Variants in PRIM2 observed in about 807,000 individuals in gnomAD.
PRIM2 encodes the protein DNA primase large subunit.
PRIM2 carries 39 observed loss-of-function variants against 67.3 expected under a neutral mutation model. The ratio of observed to expected loss-of-function variants is 0.58; its 90% CI spans 0.45 to 0.76. The LOEUF (loss-of-function observed/expected upper bound fraction) is 0.76. Ranked by LOEUF, PRIM2 falls within the 30% of genes least tolerant of loss-of-function variation. The probability of loss-of-function intolerance (pLI) is 0.00; values close to 1 mark genes in which losing one functional copy is unlikely to be tolerated. For missense variants in PRIM2, 398 were observed against 598.7 expected (o/e 0.66, Z 3.50); for synonymous variants, 143 against 198.7 (o/e 0.72, Z 2.36).
intron 7 of PRIM2, among the ~76,000 whole-genome samples, chr6:57,446,418 C>CTTCTTTTTTTTTTTTTTTT (rs1772366659): frequency 4.8e-5 from 4 of 83,814 alleles, no homozygotes; most frequent in Non-Finnish European, 6.8e-5. Context: ...CACGCCACTT[C>CTTCTTTTTTTTTTTTTTTT]TTTTTTTTTT....
chr6:57,574,884 T>G lies in PRIM2; in HGVS notation c.1021-26209T>G, dbSNP rs1775934113. Reference sequence around the variant, plus strand: ...ATAGATCAAAAATAGTACAATGTCATGGCAGTTTCATGTAGTCCCATCTAA... The same window carrying G: ...ATAGATCAAAAATAGTACAATGTCAGGGCAGTTTCATGTAGTCCCATCTAA... On this transcript the variant is annotated intron_variant, in intron 10 of 13. Coordinates refer to ENST00000615550, the MANE Select transcript of PRIM2 (RefSeq NM_000947.5). 2.0e-5 allele frequency among the ~76,000 whole-genome samples: 3 copies of G among 152,112 alleles called. No individual in the cohort carries two copies. The South Asian group carries it at 6.3e-4, about 32-fold the overall frequency.
chr6:57,565,834 G>C (rs1414065865), intron 10 of PRIM2, among the ~76,000 whole-genome samples: 3 of 152,166 alleles, frequency 2.0e-5, no homozygotes, highest in African/African-American at 7.2e-5. Context: ...TAATTTTAGT[G>C]TTACTGTCTT....
chr6:57,482,221 G>A (rs1342901617), intron 7 of PRIM2, among the ~76,000 whole-genome samples: 5 of 150,736 alleles, frequency 3.3e-5, no homozygotes, highest in African/African-American at 9.8e-5. Flanking sequence ...TGGTCATTTT[G>A]AGTGCAGATA....
chr6:57,547,397 C>T (rs1375992090), intron 10 of PRIM2, among the ~76,000 whole-genome samples: 6 of 152,182 alleles, frequency 3.9e-5, no homozygotes, highest in Admixed American at 3.9e-4. Context: ...CCTTCCACTT[C>T]TAGTAGTCCT....
intron 7 of PRIM2, among the ~76,000 whole-genome samples, chr6:57,506,570 C>G (rs1774255461): frequency 6.6e-6 from 1 of 151,974 alleles, no homozygotes; most frequent in Non-Finnish European, 1.5e-5. Context: ...ATCTTGAAGA[C>G]ATTTATCTTT....
chr6:57,602,985 C>T (rs1776497555), intron 11 of PRIM2, among the ~76,000 whole-genome samples: 1 of 152,160 alleles, frequency 6.6e-6, no homozygotes, highest in East Asian at 1.9e-4. Flanking sequence ...ACATGTGTTA[C>T]AATTGATGAA....
intron 5 of PRIM2, among the ~76,000 whole-genome samples, chr6:57,369,811 G>GC (rs1769483725): frequency 6.6e-6 from 1 of 152,132 alleles, no homozygotes; most frequent in Non-Finnish European, 1.5e-5. Context: ...TTAATGAAAT[G>GC]ACAAGTTTAT....
intron 7 of PRIM2, among the ~76,000 whole-genome samples, chr6:57,506,676 G>A (rs1455718371): frequency 6.6e-6 from 1 of 151,736 alleles, no homozygotes; most frequent in Non-Finnish European, 1.5e-5. Flanking sequence ...CTTATAAAAA[G>A]GTATTCTCTT....
chr6:57,534,674 A>G (rs1470380882), intron 9 of PRIM2, among the ~76,000 whole-genome samples: 1 of 152,158 alleles, frequency 6.6e-6, no homozygotes, highest in African/African-American at 2.4e-5. Flanking sequence ...TCATATGTAG[A>G]CTTAAATCCA....
intron 7 of PRIM2, among the ~76,000 whole-genome samples, chr6:57,402,252 A>T (rs912331476): frequency 1.3e-5 from 2 of 152,148 alleles, no homozygotes; most frequent in Non-Finnish European, 2.9e-5. Flanking sequence ...TTCCTCTGGG[A>T]GCTCTGTGCC....
rs1297363063 is a variant in PRIM2 at position 57,646,198 on chromosome 6, G to A, written c.*40G>A. The A allele has an allele frequency of 9.8e-6, 13 of 1,327,346 alleles. No homozygotes were observed. The highest frequency in any genetic ancestry group is 1.5e-5 in the African/African-American group (1 of 67,766). The allele number at this position is 1,327,346 out of a possible 1,614,324, so 82.2% of individuals were successfully genotyped here. A position where few individuals can be genotyped will look rare whatever the true frequency, so the allele number is the denominator to read the frequency against. The stretch of plus-strand genomic sequence containing the variant: ...CTTTTTCCTCAATAGCCTGTTTCCT[G>A]TTTTTAAGATTTTGCCTTTGTTGTT... On this transcript the variant is annotated 3_prime_UTR_variant, in exon 14 of 14. Transcript: ENST00000615550.
At chr6:57,384,698 G>A (rs1770081402) in intron 7 of PRIM2, among the ~76,000 whole-genome samples, 1 of 152,090 alleles carries the variant, frequency 6.6e-6, no homozygotes, top group African/African-American at 2.4e-5. Flanking sequence ...AACAAAAATG[G>A]ATGATTGTTA....
At chr6:57,471,078 T>C (rs1165745408) in intron 7 of PRIM2, among the ~76,000 whole-genome samples, 2 of 151,666 alleles carry the variant, frequency 1.3e-5, no homozygotes, top group Non-Finnish European at 2.9e-5. Context: ...TGTTAGATAT[T>C]AGGGATACTT....
At chr6:57,423,231 A>G (rs1337650157) in intron 7 of PRIM2, among the ~76,000 whole-genome samples, 1 of 152,140 alleles carries the variant, frequency 6.6e-6, no homozygotes, top group Non-Finnish European at 1.5e-5. Context: ...TAATCAGAGA[A>G]GTTCCAGATG....
the PRIM2 span, among the ~76,000 whole-genome samples, chr6:57,276,642 T>A: frequency 6.6e-6 from 1 of 151,974 alleles, no homozygotes; most frequent in Non-Finnish European, 1.5e-5. Flanking sequence ...TAAGATGTAA[T>A]GATATATTTG....
chr6:57,346,405 C>T (rs534537631), intron 5 of PRIM2, among the ~76,000 whole-genome samples: 3 of 152,224 alleles, frequency 2.0e-5, no homozygotes, highest in Admixed American at 6.5e-5. Context: ...CAACCTCCTC[C>T]GCCTCCTGGG....
intron 7 of PRIM2, among the ~76,000 whole-genome samples, chr6:57,449,001 G>C (rs1382897604): frequency 7.2e-5 from 11 of 152,124 alleles, no homozygotes; most frequent in African/African-American, 2.7e-4. Context: ...GTTTCTCTGG[G>C]GTCCTCTTGG....
At chr6:57,337,815 G>A (rs1768313300) in intron 5 of PRIM2, among the ~76,000 whole-genome samples, 1 of 152,032 alleles carries the variant, frequency 6.6e-6, no homozygotes, top group Non-Finnish European at 1.5e-5. Context: ...AGCAAGAACA[G>A]ACAAATTTAA....
At chr6:57,518,659 A>G (rs1774538969) in intron 8 of PRIM2, among the ~76,000 whole-genome samples, 1 of 152,170 alleles carries the variant, frequency 6.6e-6, no homozygotes, top group East Asian at 1.9e-4. Flanking sequence ...ACTGAATGAG[A>G]TGGTAATTTG....
Sources: allele counts gnomAD v4.1 joint callset (sites outside exome capture counted in the v4.1 genomes callset), GRCh38; gene constraint gnomAD v4.1.1; transcripts MANE v1.5; gene names NCBI Gene and HGNC (gene_info 2026-07-23, HGNC 2026-07-21).